Variants in CMKLR2 observed in about 807,000 individuals in gnomAD.
CMKLR2 encodes chemerin chemokine-like receptor 2, also known as chemerin-like receptor 2.
Under a neutral mutation model 23.0 loss-of-function variants are expected in CMKLR2, and 18 were observed. The observed-to-expected ratio is 0.78, with a 90% CI of 0.54 to 1.16. CMKLR2 has a LOEUF of 1.16. Ranked by LOEUF, CMKLR2 falls within the 50% of genes most tolerant of loss-of-function variation. CMKLR2 has a pLI of 0.00. For missense variants in CMKLR2, 401 were observed against 412.7 expected, an observed-to-expected ratio of 0.97 and a Z score of 0.25; for synonymous variants, 158 against 158.9, an observed-to-expected ratio of 0.99 and a Z score of 0.05.
intron 1 of CMKLR2, among the ~76,000 whole-genome samples, chr2:206,202,609 C>G (rs977068150): frequency 6.6e-6 from 1 of 152,090 alleles, no homozygotes; most frequent in Non-Finnish European, 1.5e-5. Context: ...TGCAGGCGCG[C>G]CACCACGTTC....
chr2:206,194,596 C>T (rs747453168), intron 1 of CMKLR2, among the ~76,000 whole-genome samples: 5 of 150,976 alleles, frequency 3.3e-5, no homozygotes, highest in African/African-American at 4.9e-5. Context: ...TAGCCACGCC[C>T]GGCTAATTTT....
chr2:206,207,883 C>T (rs1689397656), intron 1 of CMKLR2, among the ~76,000 whole-genome samples: 1 of 151,758 alleles, frequency 6.6e-6, no homozygotes, highest in South Asian at 2.1e-4. Flanking sequence ...GCTGAGATTA[C>T]AGGCATGTGC....
intron 1 of CMKLR2, among the ~76,000 whole-genome samples, chr2:206,188,825 G>T (rs1047978332): frequency 2.0e-5 from 3 of 152,136 alleles, no homozygotes; most frequent in African/African-American, 7.2e-5. Flanking sequence ...TGTAATAGAT[G>T]GCAAAGCTGA....
Position 206,176,664 on chromosome 2 carries a change from T to G in CMKLR2, c.584A>C (p.Asp195Ala), listed in dbSNP as rs1363916494. 1.2e-6 allele frequency: 2 copies of G among 1,614,004 alleles called. No homozygotes were observed. Among genetic ancestry groups the G allele is most frequent in the African/African-American group, 2.7e-5 (2 of 74,936 alleles). The part of the protein sequence containing the change: ...TLCYNNFQKH[D>A]PDLTLIRHHV... ...GTGCCTGATCAAAGTGAGGTCAGGA[T>G]CATGCTTCTGAAAATTGTTATAGCA... Residue 195 changes from aspartate to alanine, a missense_variant, in exon 2 of 2, where the codon GAT becomes GCT. Coordinates refer to ENST00000621141, the MANE Select transcript of CMKLR2 (RefSeq NM_001389445.1).
chr2:206,198,705 C>A (rs1480861393), intron 1 of CMKLR2, among the ~76,000 whole-genome samples: 3 of 152,244 alleles, frequency 2.0e-5, no homozygotes, highest in Non-Finnish European at 2.9e-5. Flanking sequence ...GTACCTCCCT[C>A]ATTCCTCCCA....
At chr2:206,183,552 C>T (rs1253424199) in intron 1 of CMKLR2, among the ~76,000 whole-genome samples, 1 of 152,160 alleles carries the variant, frequency 6.6e-6, no homozygotes, top group African/African-American at 2.4e-5. Context: ...TCCTAATCTT[C>T]CAGGAAGCAG....
chr2:206,189,657 GAA>G (rs1375195243), intron 1 of CMKLR2, among the ~76,000 whole-genome samples: 2 of 151,244 alleles, frequency 1.3e-5, no homozygotes, highest in Admixed American at 6.6e-5. Context: ...AAAAAGAAAA[GAA>G]AAGAATGAAT....
chr2:206,177,322 T>C (rs1217245629), intron 1 of CMKLR2, 47 bp from the exon 2 acceptor site: 2 of 883,044 alleles, frequency 2.3e-6, no homozygotes, highest in African/African-American at 3.4e-5. Context: ...AAAAGAAAAA[T>C]AAAAGTTCAG....
chr2:206,208,252 A>C (rs780561721), intron 1 of CMKLR2, among the ~76,000 whole-genome samples: 17 of 152,184 alleles, frequency 1.1e-4, no homozygotes, highest in Non-Finnish European at 2.1e-4. Flanking sequence ...AAACTATGTT[A>C]TGTTTAGGCT....
In CMKLR2 at chr2:206,176,381, G is replaced by A. The variant is rs375462492; in HGVS notation, c.867C>T (p.Ser289=). Residue 289 remains serine, a synonymous_variant, in exon 2 of 2, where the codon TCC becomes TCT. Coordinates refer to ENST00000621141, the MANE Select transcript of CMKLR2 (RefSeq NM_001389445.1). The stretch of plus-strand genomic sequence containing the variant: ...AACTATTGAGGAATGCCAAACCAGT[G>A]GAGAGGGGGATTCCAGCCTGCATCA... ...HHVMQAGIPL[S]TGLAFLNSCL... 5 of 1,614,034 alleles carry A rather than the reference G, an allele frequency of 3.1e-6. No homozygotes were observed. The Middle Eastern group carries it at 4.9e-4, about 159-fold the overall frequency.
chr2:206,188,088 C>T (rs1353596298), intron 1 of CMKLR2, among the ~76,000 whole-genome samples: 2 of 152,092 alleles, frequency 1.3e-5, no homozygotes, highest in African/African-American at 4.8e-5. Context: ...CGTGTGCCAC[C>T]ACACCTGGCT....
intron 1 of CMKLR2, among the ~76,000 whole-genome samples, chr2:206,197,225 C>T (rs1688952412): frequency 6.6e-6 from 1 of 151,984 alleles, no homozygotes; most frequent in African/African-American, 2.4e-5. Context: ...ATATTCTTTA[C>T]TGCTCCAGAG....
At chr2:206,208,733 A>C (rs1689430098) in intron 1 of CMKLR2, among the ~76,000 whole-genome samples, 1 of 151,594 alleles carries the variant, frequency 6.6e-6, no homozygotes, top group African/African-American at 2.4e-5. Context: ...TCCACCTTCC[A>C]GGCTCCAACA....
chr2:206,202,215 G>T (rs1689120323), intron 1 of CMKLR2, among the ~76,000 whole-genome samples: 1 of 152,028 alleles, frequency 6.6e-6, no homozygotes, highest in Non-Finnish European at 1.5e-5. Context: ...TAAAGTGAGG[G>T]GTTTTAAGCA....
intron 1 of CMKLR2, among the ~76,000 whole-genome samples, chr2:206,211,380 A>G (rs1293934872): frequency 6.6e-6 from 1 of 152,182 alleles, no homozygotes; most frequent in African/African-American, 2.4e-5. Flanking sequence ...GCTAGAGTGC[A>G]GTGGCACGAT....
chr2:206,191,539 G>A (rs146116777), intron 1 of CMKLR2, among the ~76,000 whole-genome samples: 43 of 152,210 alleles, frequency 2.8e-4, no homozygotes, highest in African/African-American at 9.9e-4. Context: ...TTATATGTCT[G>A]CCTTCTGAAG....
chr2:206,193,461 A>G (rs1688817363), intron 1 of CMKLR2, among the ~76,000 whole-genome samples: 2 of 152,200 alleles, frequency 1.3e-5, no homozygotes, highest in South Asian at 4.1e-4. Context: ...TGGGCACTGA[A>G]TTTGGAAACC....
chr2:206,185,200 T>G (rs563307601), intron 1 of CMKLR2, among the ~76,000 whole-genome samples: 2 of 152,318 alleles, frequency 1.3e-5, no homozygotes, highest in South Asian at 4.1e-4. Flanking sequence ...TTGGCCAGGC[T>G]AGTCTCAAAC....
chr2:206,194,958 G>A (rs569233053), intron 1 of CMKLR2, among the ~76,000 whole-genome samples: 1 of 151,378 alleles, frequency 6.6e-6, no homozygotes, highest in South Asian at 2.1e-4. Context: ...GAGTTTCACT[G>A]TGTTAGCCAA....
Sources: gnomAD v4.1 joint callset for allele counts (sites outside exome capture counted in the v4.1 genomes callset) on GRCh38, gnomAD v4.1.1 for gene constraint, MANE v1.5 for transcripts, NCBI Gene and HGNC (gene_info 2026-07-23, HGNC 2026-07-21) for gene names.